The following CADM1 variants were observed in gnomAD, a reference collection of about 807,000 sequenced individuals.
CADM1 encodes TSLC-1.
Under a neutral mutation model 53.1 loss-of-function variants are expected in CADM1, and 15 were observed. The ratio of observed to expected loss-of-function variants is 0.28; its 90% CI spans 0.19 to 0.44. CADM1 has a LOEUF of 0.44. Ranked by LOEUF, CADM1 falls within the 20% of genes least tolerant of loss-of-function variation. The pLI is 1.00. For synonymous variants in CADM1, 281 were observed against 243.0 expected (o/e 1.16, Z -1.45); for missense variants, 434 against 611.3 (o/e 0.71, Z 3.06).
intron 5 of CADM1, among the ~76,000 whole-genome samples, chr11:115,219,361 C>T (rs1941316643): frequency 6.6e-6 from 1 of 152,166 alleles, no homozygotes; most frequent in Admixed American, 6.5e-5. Flanking sequence ...TTTCCTATCA[C>T]AAATCTTTCT....
intron 1 of CADM1, among the ~76,000 whole-genome samples, chr11:115,321,370 C>T (rs928635381): frequency 3.3e-5 from 5 of 152,078 alleles, no homozygotes; most frequent in African/African-American, 1.2e-4. Flanking sequence ...GGGAAAAATG[C>T]ATTTTGTAGG....
At chr11:115,414,069 A>C (rs1375350136) in intron 1 of CADM1, among the ~76,000 whole-genome samples, 2 of 152,144 alleles carry the variant, frequency 1.3e-5, no homozygotes, top group Admixed American at 1.3e-4. Context: ...ATATACACAC[A>C]CACACAAAGC....
chr11:115,300,731 C>T (rs1282254456), intron 1 of CADM1, among the ~76,000 whole-genome samples: 1 of 152,018 alleles, frequency 6.6e-6, no homozygotes, highest in Non-Finnish European at 1.5e-5. Flanking sequence ...AACAAGAAAA[C>T]GAGCACATGG....
At position 115,201,916 on chromosome 11, in the gene CADM1, T is replaced by G. The variant is rs147115329; in HGVS notation, c.1079-3478A>C. Among the ~76,000 whole-genome samples, 641 of 152,302 alleles carry G rather than the reference T, an allele frequency of 4.2e-3. 5 individuals carry two copies. The highest frequency in any genetic ancestry group is 0.015 in the African/African-American group (622 of 41,560). Reference sequence around the variant, plus strand: ...ACAATCCCATCTTCTTGAAAACCCATTAAGTGTGTACGGTCTTAACAGTCA... The same window carrying G: ...ACAATCCCATCTTCTTGAAAACCCAGTAAGTGTGTACGGTCTTAACAGTCA... On this transcript the variant is annotated intron_variant, in intron 8 of 11. Transcript: ENST00000331581.
At chr11:115,359,517 G>C (rs1245923063) in intron 1 of CADM1, among the ~76,000 whole-genome samples, 7 of 152,060 alleles carry the variant, frequency 4.6e-5, no homozygotes, top group Non-Finnish European at 4.4e-5. Flanking sequence ...AGTCATATTA[G>C]AAACTTCCTT....
At chr11:115,303,809 T>C (rs557199211) in intron 1 of CADM1, among the ~76,000 whole-genome samples, 17 of 152,054 alleles carry the variant, frequency 1.1e-4, no homozygotes, top group South Asian at 4.1e-4. Context: ...CAGGTTGTGA[T>C]ATATTTTGAG....
intron 1 of CADM1, among the ~76,000 whole-genome samples, chr11:115,438,809 T>C (rs1274413544): frequency 2.6e-5 from 4 of 152,184 alleles, no homozygotes; most frequent in Non-Finnish European, 5.9e-5. Context: ...TTTCAGGCCT[T>C]GGCCATATGC....
intron 1 of CADM1, among the ~76,000 whole-genome samples, chr11:115,331,676 G>T (rs73578106): frequency 6.6e-6 from 1 of 151,942 alleles, no homozygotes; most frequent in Non-Finnish European, 1.5e-5. Context: ...CTCAAATAGA[G>T]TAAATATGTG....
At chr11:115,443,517 C>T (rs1296658377) in intron 1 of CADM1, among the ~76,000 whole-genome samples, 1 of 152,028 alleles carries the variant, frequency 6.6e-6, no homozygotes, top group African/African-American at 2.4e-5. Context: ...TCAATTTCTC[C>T]CACCTGGAAA....
intron 1 of CADM1, among the ~76,000 whole-genome samples, chr11:115,418,124 C>T (rs926892088): frequency 5.3e-5 from 8 of 152,154 alleles, no homozygotes; most frequent in African/African-American, 1.9e-4. Context: ...CTTTCTTCAA[C>T]AAAGTGTGAT....
chr11:115,456,793 T>C lies in CADM1; in HGVS notation c.124+47478A>G, dbSNP rs565693124. On this transcript the variant is annotated intron_variant, in intron 1 of 11. Coordinates refer to ENST00000331581, the MANE Select transcript of CADM1 (RefSeq NM_001301043.2). The stretch of plus-strand genomic sequence containing the variant: ...ATGTATGTCATGTGTATTATAAACC[T>C]CAAAAACACCATATCAATGTAATAT... Among the ~76,000 whole-genome samples, 6 of 152,258 alleles carry C rather than the reference T, an allele frequency of 3.9e-5. No individual in the cohort carries two copies. In the East Asian group the frequency reaches 1.2e-3, roughly 29 times the overall value.
At chr11:115,427,895 T>G (rs924731292) in intron 1 of CADM1, among the ~76,000 whole-genome samples, 5 of 149,892 alleles carry the variant, frequency 3.3e-5, no homozygotes, top group African/African-American at 1.2e-4. Flanking sequence ...CAGTCCCAGC[T>G]GCTCCAGAGG....
At chr11:115,426,613 T>C (rs1234270558) in intron 1 of CADM1, among the ~76,000 whole-genome samples, 1 of 152,186 alleles carries the variant, frequency 6.6e-6, no homozygotes, top group Non-Finnish European at 1.5e-5. Flanking sequence ...CTTTACTCTC[T>C]TTCCGCTAAG....
intron 1 of CADM1, among the ~76,000 whole-genome samples, chr11:115,404,616 A>T (rs543954023): frequency 6.7e-6 from 1 of 150,354 alleles, no homozygotes; most frequent in East Asian, 1.9e-4. Context: ...ATAAATAAAA[A>T]TAAAAAAAAA....
intron 1 of CADM1, among the ~76,000 whole-genome samples, chr11:115,253,240 C>A (rs182482024): frequency 6.6e-6 from 1 of 151,624 alleles, no homozygotes; most frequent in Admixed American, 6.5e-5. Flanking sequence ...GCCTGTTCGG[C>A]TTGCACGTGT....
intron 1 of CADM1, among the ~76,000 whole-genome samples, chr11:115,461,408 G>C (rs577881777): frequency 6.6e-5 from 10 of 152,232 alleles, no homozygotes; most frequent in African/African-American, 1.9e-4. Flanking sequence ...GTGGAGAATC[G>C]CAAGTTAGGA....
At chr11:115,202,354 T>C (rs1326584156) in intron 8 of CADM1, among the ~76,000 whole-genome samples, 1 of 152,104 alleles carries the variant, frequency 6.6e-6, no homozygotes, top group Non-Finnish European at 1.5e-5. Context: ...AATCCATAAA[T>C]TGGTCCATGT....
chr11:115,379,282 A>G (rs2135148375), intron 1 of CADM1, among the ~76,000 whole-genome samples: 1 of 152,358 alleles, frequency 6.6e-6, no homozygotes, highest in Middle Eastern at 3.4e-3. Flanking sequence ...AAAACTAAAG[A>G]TATGTAATAC....
At chr11:115,346,699 C>T (rs1000210390) in intron 1 of CADM1, among the ~76,000 whole-genome samples, 13 of 152,142 alleles carry the variant, frequency 8.5e-5, no homozygotes, top group African/African-American at 2.7e-4. Context: ...GAGAGAGGCC[C>T]GGATCAAGCC....
Sources: allele counts gnomAD v4.1 joint callset (sites outside exome capture counted in the v4.1 genomes callset), GRCh38; gene constraint gnomAD v4.1.1; transcripts MANE v1.5; gene names NCBI Gene and HGNC (gene_info 2026-07-23, HGNC 2026-07-21).